Variants in RHOT1 observed in about 807,000 individuals in gnomAD.
The protein encoded by RHOT1 is mitochondrial Rho GTPase 1.
RHOT1 carries 27 observed loss-of-function variants against 95.3 expected under a neutral mutation model. That is an observed-to-expected ratio of 0.28 (90% CI 0.21 to 0.39). The LOEUF (loss-of-function observed/expected upper bound fraction) is 0.39, where lower values mean the gene tolerates loss of function less well. Ranked by LOEUF, RHOT1 falls within the 10% of genes least tolerant of loss-of-function variation. The pLI is 1.00. For missense variants in RHOT1, 578 were observed against 786.7 expected (o/e 0.73, Z 3.17); for synonymous variants, 227 against 263.5 (o/e 0.86, Z 1.34).
chr17:32,222,863 T>C (rs1171133266), intron 19 of RHOT1: 1 of 985,686 alleles, frequency 1.0e-6, no homozygotes, highest in African/African-American at 1.7e-5. Flanking sequence ...GATTCCATCT[T>C]CATGGAGTCA....
At chr17:32,176,328 C>T (rs953240050) in intron 6 of RHOT1, 115 bp downstream of exon 6, 12 of 764,372 alleles carry the variant, frequency 1.6e-5, no homozygotes, top group South Asian at 1.1e-4. Context: ...TACTAGGTAA[C>T]GTTTTGCCAC....
chr17:32,213,113 G>C (rs2038237879), intron 19 of RHOT1, among the ~76,000 whole-genome samples: 2 of 152,190 alleles, frequency 1.3e-5, no homozygotes, highest in Admixed American at 1.3e-4. Context: ...ATTAAAGTCA[G>C]ATGTTTTTCA....
intron 1 of RHOT1, among the ~76,000 whole-genome samples, chr17:32,165,849 A>G (rs931704002): frequency 6.6e-6 from 1 of 152,168 alleles, no homozygotes; most frequent in Non-Finnish European, 1.5e-5. Flanking sequence ...TACCACAGTA[A>G]AGTGGCTCAC....
At chr17:32,149,689 TCA>T (rs1221613373) in intron 1 of RHOT1, among the ~76,000 whole-genome samples, 4 of 107,040 alleles carry the variant, frequency 3.7e-5, no homozygotes, top group Admixed American at 2.1e-4. Context: ...ATACATACAC[TCA>T]CACACATATA....
At position 32,175,311 on chromosome 17, in the gene RHOT1, A is replaced by G; in HGVS notation, c.179-8A>G. The G allele has an allele frequency of 1.2e-6, 2 of 1,612,848 alleles. No individual in the cohort carries two copies. Among genetic ancestry groups the G allele is most frequent in the South Asian group, 2.2e-5 (2 of 91,018 alleles). On this transcript the variant is annotated splice_polypyrimidine_tract_variant and splice_region_variant and intron_variant, in intron 3 of 19. Coordinates refer to ENST00000545287, the MANE Select transcript of RHOT1 (RefSeq NM_001033566.3). ...CAATATGAAACATTGACTTCCTGTC[A>G]TTTGTAGAAGCAGAACAGAGTGATG...
At position 32,175,305 on chromosome 17, in the gene RHOT1, C is replaced by G; in HGVS notation, c.179-14C>G. 1 of 1,611,580 alleles carries G rather than the reference C, an allele frequency of 6.2e-7. No individual in the cohort carries two copies. Among genetic ancestry groups the G allele is most frequent in the Non-Finnish European group, 8.5e-7 (1 of 1,177,934 alleles). On this transcript the variant is annotated splice_polypyrimidine_tract_variant and intron_variant, in intron 3 of 19. Coordinates refer to ENST00000545287, the MANE Select transcript of RHOT1 (RefSeq NM_001033566.3). ...TGTCTGCAATATGAAACATTGACTT[C>G]CTGTCATTTGTAGAAGCAGAACAGA...
chr17:32,196,097 A>G (rs1010596981), intron 11 of RHOT1, among the ~76,000 whole-genome samples: 2 of 151,618 alleles, frequency 1.3e-5, no homozygotes, highest in South Asian at 2.1e-4. Flanking sequence ...TATCCTTCAC[A>G]TTACTGCTAG....
intron 19 of RHOT1, among the ~76,000 whole-genome samples, chr17:32,214,452 G>GTT (rs1299466054): frequency 1.3e-5 from 2 of 152,168 alleles, no homozygotes; most frequent in African/African-American, 4.8e-5. Context: ...AACAAAGCAT[G>GTT]TTTATAGTCC....
chr17:32,211,868 G>A (rs1050412120), intron 19 of RHOT1, among the ~76,000 whole-genome samples: 3 of 151,712 alleles, frequency 2.0e-5, no homozygotes, highest in African/African-American at 7.3e-5. Flanking sequence ...TGAACCAAAA[G>A]CATGAAGTAA....
chr17:32,154,416 T>TAA (rs926315602), intron 1 of RHOT1, among the ~76,000 whole-genome samples: 1 of 139,976 alleles, frequency 7.1e-6, no homozygotes, highest in African/African-American at 2.7e-5. Flanking sequence ...CCGTCTCTAC[T>TAA]AAAAAAAAAA....
At chr17:32,149,605 A>ATG (rs1567648973) in intron 1 of RHOT1, among the ~76,000 whole-genome samples, 9 of 74,214 alleles carry the variant, frequency 1.2e-4, no homozygotes, top group African/African-American at 7.9e-4. Flanking sequence ...ATATATATAT[A>ATG]TATATATATA....
chr17:32,165,252 G>A (rs574705351), intron 1 of RHOT1, among the ~76,000 whole-genome samples: 4 of 148,732 alleles, frequency 2.7e-5, no homozygotes, highest in South Asian at 4.2e-4. Flanking sequence ...CAGGAGAATG[G>A]CGTAAACCCA....
At chr17:32,200,860 G>C in intron 13 of RHOT1, 96 bp from the exon 14 acceptor site, 1 of 793,668 alleles carries the variant, frequency 1.3e-6, no homozygotes, top group South Asian at 1.5e-5. Flanking sequence ...AAATTATCTA[G>C]GTCTGGTGCA....
At chr17:32,195,689 C>T (rs573998021) in intron 11 of RHOT1, among the ~76,000 whole-genome samples, 70 of 152,316 alleles carry the variant, frequency 4.6e-4, no homozygotes, top group South Asian at 1.4e-3. Context: ...TTGCTTTTTA[C>T]TTCTCCGTTA....
intron 19 of RHOT1, among the ~76,000 whole-genome samples, chr17:32,215,092 C>T (rs2038387028): frequency 6.6e-6 from 1 of 151,468 alleles, no homozygotes. Flanking sequence ...TTTTTAGTTT[C>T]GCCATGTCTC....
intron 6 of RHOT1, chr17:32,179,918 G>C (rs1162948996): frequency 7.1e-6 from 1 of 140,706 alleles, no homozygotes; most frequent in Non-Finnish European, 1.5e-5. Flanking sequence ...GAAGTGAGGA[G>C]CGCCTCTGCC....
At chr17:32,211,514 A>G in intron 19 of RHOT1, 1 of 230,520 alleles carries the variant, frequency 4.3e-6, no homozygotes, top group Non-Finnish European at 8.4e-6. Context: ...AAAAGATAAT[A>G]TGTATAGGGA....
chr17:32,175,973 CT>C lies in RHOT1; in HGVS notation c.235del (p.Cys79ValfsTer2). 1 of 1,585,720 alleles carries C rather than the reference CT, an allele frequency of 6.3e-7. No individual in the cohort carries two copies. The highest frequency in any genetic ancestry group is 8.5e-7 in the Non-Finnish European group (1 of 1,169,722). Reference protein sequence around the residue: ...HQEISQANVICIVYAVNNKHS... With the variant: ...HQEISQANVIXIVYAVNNKHS... ...AATTTTTCTTCTAGGCTAATGTCAT[CT>C]GTATAGTGTATGCCGTTAACAACAA... On this transcript the variant is annotated frameshift_variant, in exon 5 of 20. Transcript: ENST00000545287. LOFTEE classifies it high-confidence loss of function.
At chr17:32,219,150 T>C (rs145022927) in intron 19 of RHOT1, among the ~76,000 whole-genome samples, 29 of 152,164 alleles carry the variant, frequency 1.9e-4, no homozygotes, top group Admixed American at 3.3e-4. Flanking sequence ...TTCTGAGAAA[T>C]TGTGTGGGAA....
Sources: gnomAD v4.1 joint callset for allele counts (sites outside exome capture counted in the v4.1 genomes callset) on GRCh38, gnomAD v4.1.1 for gene constraint, MANE v1.5 for transcripts, NCBI Gene and HGNC (gene_info 2026-07-23, HGNC 2026-07-21) for gene names.